CARNMT1: variants seen among roughly 807,000 people sequenced by gnomAD.
CARNMT1 encodes carnosine N-methyltransferase 1, also known as protein-L-histidine N-pros-methyltransferase CARNMT1.
A neutral mutation model predicts 49.6 loss-of-function variants in CARNMT1; 28 were observed. The ratio of observed to expected loss-of-function variants is 0.56; its 90% confidence interval spans 0.42 to 0.77. The LOEUF is 0.77. CARNMT1 is among the 30% of genes least tolerant of loss of function. CARNMT1 has a pLI of 0.00. For synonymous variants in CARNMT1, 178 were observed against 175.0 expected (o/e 1.02, Z -0.13); for missense variants, 421 against 512.6 (o/e 0.82, Z 1.73).
chr9:75,008,476 T>G (rs1006984598), intron 3 of CARNMT1, among the ~76,000 whole-genome samples: 1 of 152,150 alleles, frequency 6.6e-6, no homozygotes, highest in Non-Finnish European at 1.5e-5. Context: ...GAATCACAGG[T>G]GCACTCCACC....
chr9:75,016,936 C>A, intron 2 of CARNMT1: 2 of 390,370 alleles, frequency 5.1e-6, no homozygotes, highest in Admixed American at 4.4e-5. Context: ...ATGAGTTAAG[C>A]AAGGGAAATT....
intron 6 of CARNMT1, among the ~76,000 whole-genome samples, chr9:74,993,491 T>C (rs1453150297): frequency 6.6e-6 from 1 of 152,106 alleles, no homozygotes; most frequent in Non-Finnish European, 1.5e-5. Context: ...GGAAGGTCAC[T>C]GATGATTATG....
rs1214231821 is a variant in CARNMT1 at position 75,028,000 on chromosome 9, C to G, written c.230+12G>C. On this transcript the variant is annotated intron_variant, in intron 1 of 7. Transcript: ENST00000376834. ...CGACGGTCTGGGCCGGGGTCCGCCA[C>G]GGGCTCCTTACCCGTAGTAGCGGAA... 1 of 1,556,010 alleles carries G rather than the reference C, an allele frequency of 6.4e-7. No individual in the cohort carries two copies. Among genetic ancestry groups the G allele is most frequent in the Admixed American group, 1.9e-5 (1 of 52,898 alleles).
intron 1 of CARNMT1, among the ~76,000 whole-genome samples, chr9:75,022,455 C>G (rs975495709): frequency 4.6e-5 from 7 of 151,968 alleles, no homozygotes; most frequent in African/African-American, 1.5e-4. Flanking sequence ...AACTCCTGAC[C>G]TGAAGTGATC....
chr9:75,016,280 G>C lies in CARNMT1; in HGVS notation c.578C>G (p.Pro193Arg), dbSNP rs746808873. 1.9e-6 allele frequency: 3 copies of C among 1,612,522 alleles called. No individual in the cohort carries two copies. The highest frequency in any genetic ancestry group is 2.5e-6 in the Non-Finnish European group (3 of 1,179,512). ...PIIKEILKNF[P>R]KERWDPSKVN... ...AGGTACTATTTACCATCTCTCTTTT[G>C]GAAAATTTTTTAAAATTTCTTTAAT... The change falls in exon 3 of 8, where the codon CCA becomes CGA. Residue 193 changes from proline (P) to arginine (R), a missense_variant. Coordinates refer to ENST00000376834, the MANE Select transcript of CARNMT1 (RefSeq NM_152420.3).
intron 1 of CARNMT1, chr9:75,027,275 A>AT (rs1488876344): frequency 3.5e-6 from 2 of 576,000 alleles, no homozygotes; most frequent in Admixed American, 6.3e-5. Flanking sequence ...AATGAGGAGC[A>AT]TAAAGGTCCT....
At chr9:75,012,847 G>A (rs2118844783) in intron 3 of CARNMT1, among the ~76,000 whole-genome samples, 1 of 151,858 alleles carries the variant, frequency 6.6e-6, no homozygotes, top group South Asian at 2.1e-4. Context: ...GAACCCGGGA[G>A]GCGGAGGTTG....
intron 1 of CARNMT1, among the ~76,000 whole-genome samples, chr9:75,023,912 A>C (rs1250424311): frequency 1.3e-5 from 2 of 152,260 alleles, no homozygotes; most frequent in African/African-American, 2.4e-5. Context: ...TTTTACAAAA[A>C]TCAGACTCTC....
At chr9:74,989,295 T>TA (rs1832947494) in intron 6 of CARNMT1, among the ~76,000 whole-genome samples, 1 of 152,012 alleles carries the variant, frequency 6.6e-6, no homozygotes, top group South Asian at 2.1e-4. Flanking sequence ...ACTTTTTTTT[T>TA]AGAGATGAAG....
intron 3 of CARNMT1, among the ~76,000 whole-genome samples, chr9:75,007,723 T>A: frequency 3.3e-5 from 4 of 120,374 alleles, no homozygotes; most frequent in African/African-American, 3.0e-5. Flanking sequence ...AGCGAGACCC[T>A]GTCTCAAAAA....
At chr9:75,006,241 G>A (rs10781259) in intron 3 of CARNMT1, among the ~76,000 whole-genome samples, 48,189 of 151,678 alleles carry the variant, frequency 0.32, 8,441 homozygotes, top group Non-Finnish European at 0.39. Flanking sequence ...TAGTAGAGAC[G>A]GGGCCTCACC....
chr9:75,016,309 T>G lies in CARNMT1; in HGVS notation c.549A>C (p.Pro183=). The change falls in exon 3 of 8, where the codon CCA becomes CCC. Residue 183 remains proline (P), a synonymous_variant. Transcript: ENST00000376834. ...GKAERDACYQ[P]IIKEILKNFP... ...AATTTTTTAAAATTTCTTTAATGAT[T>G]GGCTGGTAACAGGCATCCCTTTCTG... The G allele has an allele frequency of 6.2e-7, 1 of 1,613,694 alleles. No individual in the cohort carries two copies. The highest frequency in any genetic ancestry group is 8.5e-7 in the Non-Finnish European group (1 of 1,179,914).
At chr9:75,020,267 C>CTTCTTTTT (rs755164469) in intron 1 of CARNMT1, among the ~76,000 whole-genome samples, 1 of 124,292 alleles carries the variant, frequency 8.0e-6, no homozygotes, top group South Asian at 2.5e-4. Flanking sequence ...CATTTTTCTT[C>CTTCTTTTT]TTTTTTTTTT....
At chr9:74,988,588 C>T (rs937773027) in intron 6 of CARNMT1, among the ~76,000 whole-genome samples, 8 of 151,998 alleles carry the variant, frequency 5.3e-5, no homozygotes, top group Non-Finnish European at 8.8e-5. Context: ...GTCTTTAGTC[C>T]GCCCATATCT....
chr9:74,985,082 A>T (rs1832792064), intron 6 of CARNMT1, 72 bp from the exon 7 acceptor site: 2 of 1,113,220 alleles, frequency 1.8e-6, no homozygotes, highest in East Asian at 4.8e-5. Context: ...CTGAATTCCA[A>T]GTTGAGTAAG....
intron 3 of CARNMT1, among the ~76,000 whole-genome samples, chr9:75,004,841 C>T (rs183933557): frequency 2.0e-4 from 30 of 152,162 alleles, no homozygotes; most frequent in Non-Finnish European, 3.4e-4. Context: ...AACAGATTTT[C>T]CCCCACAAAT....
intron 2 of CARNMT1, 145 bp from the exon 3 acceptor site, chr9:75,016,576 T>C (rs563575554): frequency 7.4e-6 from 5 of 674,794 alleles, no homozygotes; most frequent in South Asian, 6.2e-5. Context: ...CAAGTGCAGC[T>C]TGAGATCCTA....
At chr9:75,022,752 T>C (rs1394609179) in intron 1 of CARNMT1, among the ~76,000 whole-genome samples, 1 of 152,118 alleles carries the variant, frequency 6.6e-6, no homozygotes, top group Non-Finnish European at 1.5e-5. Context: ...TCAAAACTCA[T>C]ATCCAAAGTG....
At chr9:75,021,411 A>T (rs1822357259) in intron 1 of CARNMT1, among the ~76,000 whole-genome samples, 1 of 147,056 alleles carries the variant, frequency 6.8e-6, no homozygotes, top group Non-Finnish European at 1.5e-5. Flanking sequence ...TACTATATAC[A>T]TACTATATAT....
Sources: allele counts gnomAD v4.1 joint callset (sites outside exome capture counted in the v4.1 genomes callset), GRCh38; gene constraint gnomAD v4.1.1; transcripts MANE v1.5; gene names NCBI Gene and HGNC (gene_info 2026-07-23, HGNC 2026-07-21).